The following KCNK10 variants were observed in gnomAD, a reference collection of about 807,000 sequenced individuals.
The protein encoded by KCNK10 is potassium channel subfamily K member 10.
KCNK10 carries 25 observed loss-of-function variants against 47.7 expected under a neutral mutation model. The observed-to-expected ratio is 0.52, with a 90% confidence interval of 0.38 to 0.73. The LOEUF (loss-of-function observed/expected upper bound fraction) is 0.73, where lower values mean the gene tolerates loss of function less well. Ranked by LOEUF, KCNK10 falls within the 30% of genes least tolerant of loss-of-function variation. The pLI is 0.00. For missense variants in KCNK10, 563 were observed against 714.5 expected (o/e 0.79, Z 2.42); for synonymous variants, 303 against 285.6 (o/e 1.06, Z -0.61).
At chr14:88,190,388 G>C (rs1476932877) in intron 5 of KCNK10, among the ~76,000 whole-genome samples, 1 of 152,148 alleles carries the variant, frequency 6.6e-6, no homozygotes, top group Non-Finnish European at 1.5e-5. Flanking sequence ...CCTTAGATTG[G>C]AAACACCACT....
intron 1 of KCNK10, among the ~76,000 whole-genome samples, chr14:88,298,671 A>G (rs1004861866): frequency 9.2e-5 from 14 of 152,184 alleles, no homozygotes; most frequent in African/African-American, 3.4e-4. Flanking sequence ...TTTCTCACCC[A>G]GATTGCTGCA....
At chr14:88,297,598 G>A (rs920411109) in intron 1 of KCNK10, among the ~76,000 whole-genome samples, 16 of 152,102 alleles carry the variant, frequency 1.1e-4, no homozygotes, top group African/African-American at 3.4e-4. Context: ...ATTGTCTGTC[G>A]ACTTCCAGCT....
At chr14:88,290,037 T>C (rs1307191070) in intron 1 of KCNK10, among the ~76,000 whole-genome samples, 2 of 152,202 alleles carry the variant, frequency 1.3e-5, no homozygotes, top group Admixed American at 1.3e-4. Flanking sequence ...AGCAGGATAA[T>C]GTTCGGTCCC....
At chr14:88,189,107 T>C (rs949412002) in intron 5 of KCNK10, among the ~76,000 whole-genome samples, 9 of 152,210 alleles carry the variant, frequency 5.9e-5, no homozygotes, top group African/African-American at 1.9e-4. Flanking sequence ...GATTACAGAC[T>C]TTCCCACCAG....
chr14:88,256,460 T>C (rs893108604), intron 2 of KCNK10, among the ~76,000 whole-genome samples: 2 of 151,988 alleles, frequency 1.3e-5, no homozygotes, highest in Non-Finnish European at 2.9e-5. Flanking sequence ...GTCTACTTAA[T>C]AAATGTGAGA....
chr14:88,315,028 T>C (rs922710256), intron 1 of KCNK10, among the ~76,000 whole-genome samples: 2 of 152,170 alleles, frequency 1.3e-5, no homozygotes, highest in African/African-American at 4.8e-5. Context: ...ACTCCCTCCT[T>C]TTCTAAATGA....
intron 4 of KCNK10, among the ~76,000 whole-genome samples, chr14:88,219,558 G>T (rs540673780): frequency 3.9e-5 from 6 of 152,348 alleles, no homozygotes; most frequent in African/African-American, 1.4e-4. Context: ...TGACAAGGAA[G>T]AGTGAAGACA....
intron 4 of KCNK10, among the ~76,000 whole-genome samples, chr14:88,212,123 TA>T (rs1313364716): frequency 1.4e-4 from 10 of 73,924 alleles, no homozygotes; most frequent in African/African-American, 4.4e-4. Context: ...TATATATATA[TA>T]TATATATCGA....
At chr14:88,201,213 A>G (rs1255032183) in intron 4 of KCNK10, among the ~76,000 whole-genome samples, 5 of 152,246 alleles carry the variant, frequency 3.3e-5, no homozygotes, top group Non-Finnish European at 5.9e-5. Context: ...TCTAAGTTTT[A>G]TACAAATGCC....
intron 1 of KCNK10, among the ~76,000 whole-genome samples, chr14:88,308,781 A>G (rs1019488276): frequency 5.3e-5 from 8 of 152,374 alleles, no homozygotes; most frequent in Non-Finnish European, 1.0e-4. Context: ...ATTACAAACT[A>G]GGCAGCTCTG....
At chr14:88,293,631 C>T (rs955226999) in intron 1 of KCNK10, among the ~76,000 whole-genome samples, 6 of 151,896 alleles carry the variant, frequency 4.0e-5, no homozygotes, top group African/African-American at 1.5e-4. Context: ...TCAATACCTC[C>T]AAACTAGCAT....
chr14:88,268,994 C>T (rs1402472405), intron 1 of KCNK10, among the ~76,000 whole-genome samples: 3 of 152,156 alleles, frequency 2.0e-5, no homozygotes, highest in East Asian at 1.9e-4. Context: ...AAAAATTAGC[C>T]GGGTATGGTG....
Position 88,240,702 on chromosome 14 carries a change from C to A in KCNK10, c.520+1G>T. The A allele has an allele frequency of 1.9e-6, 3 of 1,590,884 alleles. No homozygotes were observed. Among genetic ancestry groups the A allele is most frequent in the Non-Finnish European group, 2.6e-6 (3 of 1,158,926 alleles). The stretch of plus-strand genomic sequence containing the variant: ...AGAGATATTAGCAAACAAACGGGTA[C>A]CTATGGTCGTAATGACAGTTCCAGC... On this transcript the variant is annotated splice_donor_variant, in intron 3 of 6. Coordinates refer to ENST00000319231, the MANE Select transcript of KCNK10 (RefSeq NM_138317.3). LOFTEE classifies it high-confidence loss of function.
chr14:88,302,410 TAAAAG>T (rs1019893857), intron 1 of KCNK10, among the ~76,000 whole-genome samples: 4 of 152,052 alleles, frequency 2.6e-5, no homozygotes, highest in African/African-American at 9.6e-5. Context: ...CCAGAAAAGT[TAAAAG>T]AAAACCCAGA....
intron 3 of KCNK10, among the ~76,000 whole-genome samples, chr14:88,234,680 A>G (rs867580465): frequency 7.2e-4 from 110 of 152,314 alleles, no homozygotes; most frequent in African/African-American, 2.4e-3. Flanking sequence ...GAGCCTCTCA[A>G]TGCCTGTCCC....
chr14:88,207,333 C>T (rs1885313561), intron 4 of KCNK10, among the ~76,000 whole-genome samples: 1 of 151,992 alleles, frequency 6.6e-6, no homozygotes, highest in Non-Finnish European at 1.5e-5. Flanking sequence ...CCATCGCGCC[C>T]GGCTAATTTT....
At chr14:88,229,750 G>A (rs1337305327) in intron 3 of KCNK10, among the ~76,000 whole-genome samples, 1 of 152,132 alleles carries the variant, frequency 6.6e-6, no homozygotes, top group Non-Finnish European at 1.5e-5. Flanking sequence ...TATAAGGAGA[G>A]ACTGTTTGAC....
At chr14:88,209,610 C>T (rs34966094) in intron 4 of KCNK10, among the ~76,000 whole-genome samples, 54,809 of 152,078 alleles carry the variant, frequency 0.36, 9,996 homozygotes, top group African/African-American at 0.41. Flanking sequence ...GCTGAGGTCC[C>T]GTCCCAGATA....
chr14:88,273,250 G>A (rs1887449069), intron 1 of KCNK10, among the ~76,000 whole-genome samples: 1 of 152,002 alleles, frequency 6.6e-6, no homozygotes. Context: ...GAGGAAAAGG[G>A]GAGAACTGGG....
Sources: allele counts gnomAD v4.1 joint callset (sites outside exome capture counted in the v4.1 genomes callset), GRCh38; gene constraint gnomAD v4.1.1; transcripts MANE v1.5; gene names NCBI Gene and HGNC (gene_info 2026-07-23, HGNC 2026-07-21).